Variants in CDK19 observed in about 807,000 individuals in gnomAD.
The protein encoded by CDK19 is cyclin-dependent kinase 19.
In CDK19, 20 loss-of-function variants were observed where a neutral mutation model predicts 68.3. The ratio of observed to expected loss-of-function variants is 0.29; its 90% CI spans 0.21 to 0.43. The LOEUF (loss-of-function observed/expected upper bound fraction) is 0.43, where lower values mean the gene tolerates loss of function less well. CDK19 is among the 20% of genes least tolerant of loss of function. CDK19 has a pLI of 1.00. For synonymous variants in CDK19, 221 were observed against 222.8 expected, an observed-to-expected ratio of 0.99 and a Z score of 0.07; for missense variants, 339 against 623.5, an observed-to-expected ratio of 0.54 and a Z score of 4.86.
chr6:110,735,929 A>G (rs561168365), intron 2 of CDK19, among the ~76,000 whole-genome samples: 2 of 152,326 alleles, frequency 1.3e-5, no homozygotes, highest in South Asian at 2.1e-4. Flanking sequence ...GAATGACCGG[A>G]AAGTTCAGCA....
intron 2 of CDK19, among the ~76,000 whole-genome samples, chr6:110,677,756 G>A (rs535628747): frequency 7.6e-4 from 116 of 152,176 alleles, no homozygotes; most frequent in African/African-American, 2.6e-3. Flanking sequence ...AATTATATTA[G>A]AGTATCTTTC....
intron 1 of CDK19, among the ~76,000 whole-genome samples, chr6:110,777,818 G>A (rs1583077629): frequency 6.6e-6 from 1 of 152,172 alleles, no homozygotes; most frequent in Non-Finnish European, 1.5e-5. Flanking sequence ...ATAAAAAGGA[G>A]GGAAATTCTG....
At chr6:110,780,955 G>A (rs62420307) in intron 1 of CDK19, among the ~76,000 whole-genome samples, 5,895 of 152,162 alleles carry the variant, frequency 0.039, 164 homozygotes, top group Non-Finnish European at 0.06. Context: ...TTGTTCTTAG[G>A]TAAGATAGAA....
chr6:110,749,138 C>T (rs1778281163), intron 1 of CDK19, among the ~76,000 whole-genome samples: 2 of 152,134 alleles, frequency 1.3e-5, no homozygotes, highest in African/African-American at 2.4e-5. Flanking sequence ...TTACTAAATG[C>T]ATCCAGAAGA....
chr6:110,646,210 CGG>C (rs1275056985), intron 4 of CDK19: 2 of 1,405,850 alleles, frequency 1.4e-6, no homozygotes, highest in Non-Finnish European at 1.9e-6. Context: ...AGCAACTCGT[CGG>C]GGTCCGACGC....
intron 12 of CDK19, among the ~76,000 whole-genome samples, chr6:110,617,700 C>A (rs1778421319): frequency 7.5e-6 from 1 of 133,670 alleles, no homozygotes; most frequent in Non-Finnish European, 1.6e-5. Context: ...CACACACACA[C>A]ACACAAATTA....
chr6:110,741,305 A>AG (rs1342417958), intron 2 of CDK19, among the ~76,000 whole-genome samples: 1 of 151,730 alleles, frequency 6.6e-6, no homozygotes, highest in Non-Finnish European at 1.5e-5. Context: ...AAAATTAAAA[A>AG]AAAAAAATTA....
At chr6:110,662,165 T>C (rs183501211) in intron 4 of CDK19, among the ~76,000 whole-genome samples, 55 of 152,248 alleles carry the variant, frequency 3.6e-4, no homozygotes, top group African/African-American at 1.2e-3. Context: ...AGATAGGGTT[T>C]CACCATATTG....
chr6:110,680,738 T>C (rs1394690834), intron 2 of CDK19, among the ~76,000 whole-genome samples: 1 of 152,214 alleles, frequency 6.6e-6, no homozygotes. Flanking sequence ...GGCTCACACC[T>C]GTTATCCCAG....
At chr6:110,727,688 C>G (rs1776414407) in intron 2 of CDK19, among the ~76,000 whole-genome samples, 1 of 152,030 alleles carries the variant, frequency 6.6e-6, no homozygotes, top group African/African-American at 2.4e-5. Flanking sequence ...AGAAGAGCGA[C>G]TGGGCCAGGT....
chr6:110,814,970 G>C (rs371061693), intron 1 of CDK19, 39 bp downstream of exon 1: 68 of 1,597,028 alleles, frequency 4.3e-5, no homozygotes, highest in Non-Finnish European at 5.4e-5. Context: ...GGCAGGGCGA[G>C]GACCCGAGCG....
chr6:110,713,896 A>C (rs1189769496), intron 2 of CDK19, among the ~76,000 whole-genome samples: 3 of 152,190 alleles, frequency 2.0e-5, no homozygotes, highest in Admixed American at 2.0e-4. Flanking sequence ...ATTTGTCTTA[A>C]AGAAAACCTT....
At chr6:110,802,212 C>T (rs1435582167) in intron 1 of CDK19, among the ~76,000 whole-genome samples, 1 of 152,158 alleles carries the variant, frequency 6.6e-6, no homozygotes, top group Non-Finnish European at 1.5e-5. Context: ...AATCATTCTA[C>T]CAAAAAGACA....
intron 2 of CDK19, among the ~76,000 whole-genome samples, chr6:110,728,314 G>A (rs550728956): frequency 3.3e-5 from 5 of 151,170 alleles, no homozygotes; most frequent in Admixed American, 1.3e-4. Context: ...GAGAGAGAGA[G>A]AAAGAGCACA....
chr6:110,813,658 T>C (rs1268865162), intron 1 of CDK19: 1 of 152,218 alleles, frequency 6.6e-6, no homozygotes, highest in Non-Finnish European at 1.5e-5. Flanking sequence ...AATAATCCTT[T>C]ACACTTGGAT....
chr6:110,812,753 C>G (rs959589900), intron 1 of CDK19, among the ~76,000 whole-genome samples: 12 of 149,664 alleles, frequency 8.0e-5, no homozygotes, highest in African/African-American at 2.7e-4. Flanking sequence ...AAACTGTAAT[C>G]TACCATGATC....
intron 2 of CDK19, among the ~76,000 whole-genome samples, chr6:110,704,620 T>C (rs530454697): frequency 9.8e-5 from 15 of 152,344 alleles, no homozygotes; most frequent in South Asian, 4.1e-4. Context: ...TTATATTAAC[T>C]ATTTGGTAAA....
At chr6:110,709,506 T>A (rs1562219914) in intron 2 of CDK19, among the ~76,000 whole-genome samples, 3 of 142,024 alleles carry the variant, frequency 2.1e-5, no homozygotes. Flanking sequence ...AAAGTATAAT[T>A]AAAAAAAAAA....
At chr6:110,659,918 G>A (rs1039981736) in intron 4 of CDK19, among the ~76,000 whole-genome samples, 7 of 152,132 alleles carry the variant, frequency 4.6e-5, no homozygotes, top group African/African-American at 1.7e-4. Context: ...ATATATGAAA[G>A]GTGGGGACTT....
Sources: allele counts gnomAD v4.1 joint callset (sites outside exome capture counted in the v4.1 genomes callset), GRCh38; gene constraint gnomAD v4.1.1; transcripts MANE v1.5; gene names NCBI Gene and HGNC (gene_info 2026-07-23, HGNC 2026-07-21).